Variants in IGDCC4 observed in about 807,000 individuals in gnomAD.
The protein encoded by IGDCC4 is immunoglobulin superfamily DCC subclass member 4.
Under a neutral mutation model 116.6 loss-of-function variants are expected in IGDCC4, and 72 were observed. The observed-to-expected ratio is 0.62, with a 90% CI of 0.51 to 0.75. The LOEUF is 0.75. IGDCC4 is among the 30% of genes least tolerant of loss of function. IGDCC4 has a pLI of 0.00. For missense variants in IGDCC4, 1,501 were observed against 1,662.4 expected (o/e 0.90, Z 1.69); for synonymous variants, 709 against 719.9 (o/e 0.98, Z 0.24).
chr15:65,397,133 A>G, intron 5 of IGDCC4, 144 bp from the exon 6 acceptor site: 2 of 1,052,240 alleles, frequency 1.9e-6, no homozygotes, highest in Non-Finnish European at 2.7e-6. Flanking sequence ...TCTTGCTGGG[A>G]CTCTCTGAGC....
intron 5 of IGDCC4, among the ~76,000 whole-genome samples, chr15:65,397,666 T>C (rs200545719): frequency 8.7e-6 from 1 of 114,640 alleles, no homozygotes; most frequent in East Asian, 2.2e-4. Context: ...TCCGTCTCTA[T>C]AAAAAAAAAA....
rs755872217 is a variant in IGDCC4, at chr15:65,410,315, G to C, written c.426C>G (p.Leu142=). The C allele has an allele frequency of 6.2e-6, 10 of 1,613,876 alleles. No individual in the cohort carries two copies. The highest frequency in any genetic ancestry group is 2.2e-5 in the South Asian group (2 of 91,080). ...SQTAVVKLAT[L]ADFSLHPESQ... ...ACTCCGGGTGCAGAGAGAAGTCTGCGAGTGCTGGGGACAGTGAGACACAGG... is the reference window on the plus strand; with the variant it reads ...ACTCCGGGTGCAGAGAGAAGTCTGCCAGTGCTGGGGACAGTGAGACACAGG... The change falls in exon 3 of 20, where the codon CTC becomes CTG. Residue 142 remains leucine, a synonymous_variant. Transcript: ENST00000352385.
chr15:65,387,798 C>A (rs1300876611), intron 16 of IGDCC4, among the ~76,000 whole-genome samples: 1 of 152,072 alleles, frequency 6.6e-6, no homozygotes, highest in Non-Finnish European at 1.5e-5. Flanking sequence ...AAGCAATTTC[C>A]CAAAGAAACT....
rs572988090 is a variant in IGDCC4 at position 65,400,891 on chromosome 15, G to T, written c.756C>A (p.Asn252Lys). 6.2e-7 allele frequency: 1 copy of T among 1,614,114 alleles called. No individual in the cohort carries two copies. The highest frequency in any genetic ancestry group is 1.3e-5 in the African/African-American group (1 of 75,034). The part of the protein sequence containing the change: ...QDVVIVAAPE[N>K]TTVVSGQSVV... ...CACTCTGGCCAGACACCACTGTGGTGTTCTCTGGGGCTGCCACAATGACCA... is the reference window on the plus strand; with the variant it reads ...CACTCTGGCCAGACACCACTGTGGTTTTCTCTGGGGCTGCCACAATGACCA... The change falls in exon 5 of 20, where the codon AAC (asparagine) becomes AAA (lysine). Residue 252 changes from asparagine to lysine, a missense_variant. By Grantham distance (94) the Asn-to-Lys change is moderately conservative (BLOSUM62 0). Coordinates refer to ENST00000352385, the MANE Select transcript of IGDCC4 (RefSeq NM_020962.3).
chr15:65,398,601 G>A (rs917847589), intron 5 of IGDCC4, among the ~76,000 whole-genome samples: 9 of 151,330 alleles, frequency 5.9e-5, no homozygotes, highest in Admixed American at 1.3e-4. Context: ...AAAACAGGCC[G>A]GGAGCGGTGG....
intron 3 of IGDCC4, among the ~76,000 whole-genome samples, chr15:65,406,274 T>C (rs2063040479): frequency 6.6e-6 from 1 of 152,240 alleles, no homozygotes; most frequent in African/African-American, 2.4e-5. Context: ...TTTTAAAATG[T>C]GTTCAAGTTA....
chr15:65,393,301 G>A lies in IGDCC4; in HGVS notation c.1885+60C>T, dbSNP rs1286193090. 2 of 1,499,254 alleles carry A rather than the reference G, an allele frequency of 1.3e-6. No homozygotes were observed. 92.9% of individuals were successfully genotyped at this position (1,499,254 alleles called of 1,614,324 possible). A position where few individuals can be genotyped will look rare whatever the true frequency, so the allele number is the denominator to read the frequency against. ...AGGGGGTGGGGCGCTGGGTCCCAAG[G>A]ACACACGCACACCCACACAGTCACA... On this transcript the variant is annotated intron_variant, in intron 10 of 19. Transcript: ENST00000352385. This position sits in a 1 kb window ranked among gnomAD's most constrained non-coding sequence, Gnocchi z 4.6.
rs200763048 is a variant in IGDCC4, at chr15:65,400,779, C to T, written c.841+27G>A. On this transcript the variant is annotated intron_variant, in intron 5 of 19. Transcript: ENST00000352385. ...ATGCCACATCCCTCCCTTCCCATGCCCTCCTTCTCCCACCCCCTCCACTCA... is the reference window on the plus strand; with the variant it reads ...ATGCCACATCCCTCCCTTCCCATGCTCTCCTTCTCCCACCCCCTCCACTCA... The T allele has an allele frequency of 3.6e-5, 56 of 1,567,920 alleles. No homozygotes were observed. The African/African-American group carries it at 6.5e-4, about 18-fold the overall frequency.
intron 7 of IGDCC4, 139 bp from the exon 8 acceptor site, chr15:65,395,397 A>G (rs1206660271): frequency 2.3e-6 from 2 of 870,692 alleles, no homozygotes; most frequent in East Asian, 2.8e-5. Flanking sequence ...GCTGGAGTGT[A>G]TAAACTCCCT....
intron 18 of IGDCC4, 158 bp downstream of exon 18, chr15:65,385,673 T>C (rs958017561): frequency 5.5e-6 from 4 of 722,834 alleles, no homozygotes; most frequent in South Asian, 1.5e-5. Context: ...TGTGCTTCCC[T>C]GACAGCCAAC....
At chr15:65,388,133 A>G (rs28574278) in intron 16 of IGDCC4, among the ~76,000 whole-genome samples, 29,216 of 151,388 alleles carry the variant, frequency 0.19, 3,175 homozygotes, top group East Asian at 0.44. Flanking sequence ...AATCCCAGCT[A>G]TTTGGGAGGC....
intron 2 of IGDCC4, 106 bp downstream of exon 2, chr15:65,410,914 G>A: frequency 1.2e-6 from 1 of 831,482 alleles, no homozygotes; most frequent in South Asian, 1.8e-5. Context: ...AAGGGGGAGT[G>A]GGATCAAGAG....
In IGDCC4 at chr15:65,385,133, G is replaced by A; in HGVS notation, c.3181-18C>T. 6.4e-7 allele frequency: 1 copy of A among 1,566,068 alleles called. No individual in the cohort carries two copies. Among genetic ancestry groups the A allele is most frequent in the Non-Finnish European group, 8.6e-7 (1 of 1,165,478 alleles). ...CAGGAGATCTGCACGGGGGAAAGAA[G>A]GGGACAGTAAGGGGCACGACCAGGA... On this transcript the variant is annotated intron_variant, in intron 18 of 19. Transcript: ENST00000352385.
Position 65,395,163 on chromosome 15 carries a change from C to G in IGDCC4, c.1507G>C (p.Val503Leu), listed in dbSNP as rs554878224. 1.9e-6 allele frequency: 3 copies of G among 1,614,018 alleles called. No homozygotes were observed. Among genetic ancestry groups the G allele is most frequent in the Non-Finnish European group, 1.7e-6 (2 of 1,179,960 alleles). ...LEPNTDYEFY[V>L]VAYSQLGASR... The stretch of plus-strand genomic sequence containing the variant: ...GCTCCCAGCTGGGAGTAGGCCACCA[C>G]GTAGAACTCATAATCTGTGTTGGGT... The change falls in exon 8 of 20, where the codon GTG becomes CTG. Residue 503 changes from valine (V) to leucine (L), a missense_variant. This residue lies in a region of IGDCC4 where 898 missense variants were observed against 978.9 expected (regional missense o/e 0.92). Coordinates refer to ENST00000352385, the MANE Select transcript of IGDCC4 (RefSeq NM_020962.3).
chr15:65,388,885 TCC>T lies in IGDCC4; in HGVS notation c.2628_2629del (p.Glu877AspfsTer16). 1 of 1,613,776 alleles carries T rather than the reference TCC, an allele frequency of 6.2e-7. No homozygotes were observed. Among genetic ancestry groups the T allele is most frequent in the Non-Finnish European group, 8.5e-7 (1 of 1,179,974 alleles). On this transcript the variant is annotated frameshift_variant, in exon 15 of 20. Transcript: ENST00000352385. LOFTEE classifies it high-confidence loss of function. ...GTACAGGATCAGATACTCCACGATC[TCC>T]CCGTTGGGCTCTGTGGGGGGGCACC...
At chr15:65,388,313 C>T (rs1230138554) in intron 16 of IGDCC4, 136 bp downstream of exon 16, 2 of 1,174,136 alleles carry the variant, frequency 1.7e-6, no homozygotes, top group African/African-American at 3.0e-5. Flanking sequence ...TGAACCACAC[C>T]TATTTCCCCT....
At chr15:65,405,624 G>T (rs1388294519) in intron 3 of IGDCC4, among the ~76,000 whole-genome samples, 1 of 152,132 alleles carries the variant, frequency 6.6e-6, no homozygotes, top group African/African-American at 2.4e-5. Context: ...TGAATTGCAA[G>T]CTCTGAACAC....
Position 65,396,069 on chromosome 15 carries a change from T to C in IGDCC4, c.1092A>G (p.Pro364=). The part of the protein sequence containing the change: ...FVCRASGEPR[P]ALRWLHNGAP... ...CCCCGTTGTGCAGCCAGCGCAGCGC[T>C]GGCCGCGGCTCCCCCGACGCGCGGC... The change falls in exon 7 of 20, where the codon CCA becomes CCG. Residue 364 remains proline (P), a synonymous_variant. Coordinates refer to ENST00000352385, the MANE Select transcript of IGDCC4 (RefSeq NM_020962.3). 2 of 1,392,614 alleles carry C rather than the reference T, an allele frequency of 1.4e-6. No homozygotes were observed. The highest frequency in any genetic ancestry group is 1.8e-6 in the Non-Finnish European group (2 of 1,081,166). The allele number at this position is 1,392,614 out of a possible 1,614,324, so 86.3% of individuals were successfully genotyped here.
At chr15:65,411,498 TC>T in intron 1 of IGDCC4, 128 bp from the exon 2 acceptor site, 1 of 726,908 alleles carries the variant, frequency 1.4e-6, no homozygotes, top group Non-Finnish European at 2.2e-6. Flanking sequence ...ATCCTGGCTC[TC>T]CCCTTACTAA....
Sources: gnomAD v4.1 joint callset for allele counts (sites outside exome capture counted in the v4.1 genomes callset) on GRCh38, gnomAD v4.1.1 for gene constraint, gnomAD v4.1.1 regional missense constraint, Gnocchi (gnomAD v3.1) non-coding constraint, MANE v1.5 for transcripts, NCBI Gene and HGNC (gene_info 2026-07-23, HGNC 2026-07-21) for gene names.